The following CRNKL1 variants were observed in gnomAD, a reference collection of about 807,000 sequenced individuals.
CRNKL1 encodes the protein crooked neck pre-mRNA splicing factor 1, also known as crooked neck-like protein 1.
A neutral mutation model predicts 103.7 loss-of-function variants in CRNKL1; 35 were observed. The observed-to-expected ratio is 0.34, with a 90% CI of 0.26 to 0.45. The LOEUF (loss-of-function observed/expected upper bound fraction) is 0.45. Ranked by LOEUF, CRNKL1 falls within the 20% of genes least tolerant of loss-of-function variation. CRNKL1 has a pLI of 1.00. For missense variants in CRNKL1, 645 were observed against 836.0 expected, an observed-to-expected ratio of 0.77 and a Z score of 2.82; for synonymous variants, 267 against 282.6, an observed-to-expected ratio of 0.94 and a Z score of 0.55.
Position 20,050,491 on chromosome 20 carries a change from A to G in CRNKL1, c.183T>C (p.Asp61=). The G allele has an allele frequency of 6.2e-7, 1 of 1,613,714 alleles. No individual in the cohort carries two copies. The highest frequency in any genetic ancestry group is 8.5e-7 in the Non-Finnish European group (1 of 1,179,890). Residue 61 remains aspartate (D), a synonymous_variant, in exon 2 of 14, where the codon GAT becomes GAC. Coordinates refer to ENST00000536226, the MANE Select transcript of CRNKL1 (RefSeq NM_001278628.2). Reference sequence around the variant, plus strand: ...TGACCTTCCTTTTCCTTAGTTTATAATCATTTAATTCTTCTTCATCTGTGA... The same window carrying G: ...TGACCTTCCTTTTCCTTAGTTTATAGTCATTTAATTCTTCTTCATCTGTGA... The part of the protein sequence containing the change: ...QKITDEEELN[D]YKLRKRKTFE...
At chr20:20,039,490 A>C in intron 11 of CRNKL1, 119 bp downstream of exon 11, 10 of 1,252,700 alleles carry the variant, frequency 8.0e-6, no homozygotes, top group Non-Finnish European at 1.1e-5. Flanking sequence ...TCTGAGTAGA[A>C]GAGACTAAGT....
At chr20:20,042,618 T>C (rs922471567) in intron 7 of CRNKL1, 102 bp from the exon 8 acceptor site, 2 of 1,034,210 alleles carry the variant, frequency 1.9e-6, no homozygotes, top group Non-Finnish European at 2.8e-6. Context: ...TTCTATATTT[T>C]AGCACCTTTT....
Position 20,039,734 on chromosome 20 carries a change from A to G in CRNKL1, c.1420T>C (p.Phe474Leu). ...CRKLYEKFLEFGPENCTSWIK... is the reference protein window; with the variant it reads ...CRKLYEKFLELGPENCTSWIK... ...CATGAGGTACAATTTTCAGGTCCAAATTCCAGGAACTTTTCATAAAGCTTC... is the reference window on the plus strand; with the variant it reads ...CATGAGGTACAATTTTCAGGTCCAAGTTCCAGGAACTTTTCATAAAGCTTC... Residue 474 changes from phenylalanine (F) to leucine (L), a missense_variant, in exon 11 of 14, where the codon TTT (phenylalanine) becomes CTT (leucine). By Grantham distance (22) the Phe-to-Leu change is conservative. Coordinates refer to ENST00000536226, the MANE Select transcript of CRNKL1 (RefSeq NM_001278628.2). 6.2e-7 allele frequency: 1 copy of G among 1,614,184 alleles called. No individual in the cohort carries two copies. Among genetic ancestry groups the G allele is most frequent in the Non-Finnish European group, 8.5e-7 (1 of 1,180,030 alleles).
At chr20:20,054,506 G>A (rs920166565), upstream of CRNKL1, among the ~76,000 whole-genome samples, 3 of 151,854 alleles carry the variant, frequency 2.0e-5, no homozygotes, top group African/African-American at 7.3e-5. Context: ...AAAATTACAT[G>A]GCACATGAAA....
Position 20,050,499 on chromosome 20 carries a change from ATTC to A in CRNKL1, c.172_174del (p.Glu58del). On this transcript the variant is annotated inframe_deletion, in exon 2 of 14. Coordinates refer to ENST00000536226, the MANE Select transcript of CRNKL1 (RefSeq NM_001278628.2). ...CTTTTCCTTAGTTTATAATCATTTA[ATTC>A]TTCTTCATCTGTGATCTTCTGTTGA... 6.2e-7 allele frequency: 1 copy of A among 1,613,708 alleles called. No individual in the cohort carries two copies. The highest frequency in any genetic ancestry group is 8.5e-7 in the Non-Finnish European group (1 of 1,179,868).
intron 11 of CRNKL1, 80 bp from the exon 12 acceptor site, chr20:20,038,530 C>A: frequency 1.3e-6 from 1 of 747,294 alleles, no homozygotes. Context: ...TGAAGTATCA[C>A]TCTAACCTAC....
rs186167558 is a variant in CRNKL1, at chr20:20,042,188, T to C, written c.1164+137A>G. On this transcript the variant is annotated intron_variant, in intron 8 of 13. Coordinates refer to ENST00000536226, the MANE Select transcript of CRNKL1 (RefSeq NM_001278628.2). ...ATGTTGCAGAGCGAATATATAACTG[T>C]ATGGATGAACAGAAGCCTATAAAAA... 68 of 725,954 alleles carry C rather than the reference T, an allele frequency of 9.4e-5. No homozygotes were observed. In the African/African-American group the frequency reaches 9.8e-4, roughly 10 times the overall value. 45.0% of individuals were successfully genotyped at this position (725,954 alleles called of 1,614,324 possible).
rs2043529912 is a variant in CRNKL1 at position 20,042,430 on chromosome 20, A to G, written c.1059T>C (p.Tyr353=). Residue 353 remains tyrosine, a synonymous_variant, in exon 8 of 14, where the codon TAT becomes TAC. Coordinates refer to ENST00000536226, the MANE Select transcript of CRNKL1 (RefSeq NM_001278628.2). The part of the protein sequence containing the change: ...DAEAEAVREV[Y]ERAIANVPPI... ...GTGGGACATTGGCAATGGCCCTTTCATAGACTTCTCTCACGGCTTCAGCTT... is the reference window on the plus strand; with the variant it reads ...GTGGGACATTGGCAATGGCCCTTTCGTAGACTTCTCTCACGGCTTCAGCTT... 1.2e-6 allele frequency: 2 copies of G among 1,614,174 alleles called. No homozygotes were observed. Among genetic ancestry groups the G allele is most frequent in the Non-Finnish European group, 1.7e-6 (2 of 1,180,022 alleles).
chr20:20,042,774 C>T (rs1458406122), intron 7 of CRNKL1, among the ~76,000 whole-genome samples: 3 of 152,226 alleles, frequency 2.0e-5, no homozygotes, highest in African/African-American at 7.2e-5. Context: ...ACTCTCACGA[C>T]AGTCAATAAT....
At chr20:20,043,405 A>G in intron 7 of CRNKL1, 87 bp downstream of exon 7, 2 of 1,268,680 alleles carry the variant, frequency 1.6e-6, no homozygotes, top group Non-Finnish European at 2.2e-6. Flanking sequence ...TAGTAGTGCT[A>G]CTTGCTATTA....
At chr20:20,055,709 C>G (rs1395876420), upstream of CRNKL1, among the ~76,000 whole-genome samples, 1 of 152,206 alleles carries the variant, frequency 6.6e-6, no homozygotes, top group Non-Finnish European at 1.5e-5. Flanking sequence ...CAAGATGTCT[C>G]ATTCCAATTT....
intron 5 of CRNKL1, 130 bp downstream of exon 5, chr20:20,047,635 G>T: frequency 1.2e-6 from 1 of 857,028 alleles, no homozygotes; most frequent in Non-Finnish European, 1.7e-6. Flanking sequence ...TAGGGAAGCT[G>T]ATAAACTGGC....
At chr20:20,037,184 A>G (rs1463006775) in intron 13 of CRNKL1, 139 bp downstream of exon 13, 1 of 1,024,842 alleles carries the variant, frequency 9.8e-7, no homozygotes, top group Non-Finnish European at 1.4e-6. Context: ...TAACAGCCAG[A>G]TTGCAACCAT....
chr20:20,044,314 C>T (rs1002010392), intron 6 of CRNKL1, among the ~76,000 whole-genome samples: 10 of 152,152 alleles, frequency 6.6e-5, no homozygotes, highest in East Asian at 3.9e-4. Flanking sequence ...CCCACTGGCC[C>T]GAACAGAATC....
chr20:20,044,546 A>G (rs966836268), intron 6 of CRNKL1, among the ~76,000 whole-genome samples: 1 of 152,200 alleles, frequency 6.6e-6, no homozygotes, highest in Non-Finnish European at 1.5e-5. Flanking sequence ...CAAGTTTCAC[A>G]TTTTGAGTTT....
chr20:20,050,634 G>A lies in CRNKL1; in HGVS notation c.52-12C>T, dbSNP rs1471699603. The A allele has an allele frequency of 1.9e-6, 3 of 1,587,268 alleles. No individual in the cohort carries two copies. Among genetic ancestry groups the A allele is most frequent in the African/African-American group, 1.4e-5 (1 of 73,104 alleles). The stretch of plus-strand genomic sequence containing the variant: ...GCTTTGTTTTTCACCTTTTAAGAAA[G>A]AAGACATTTCTATTTTTAGTAGTTG... On this transcript the variant is annotated splice_polypyrimidine_tract_variant and intron_variant, in intron 1 of 13. Transcript: ENST00000536226.
At chr20:20,052,018 C>T (rs2043759001) in intron 1 of CRNKL1, among the ~76,000 whole-genome samples, 1 of 152,194 alleles carries the variant, frequency 6.6e-6, no homozygotes, top group Non-Finnish European at 1.5e-5. Context: ...CGTAGCTTCC[C>T]AGCGCCCAGT....
Position 20,043,482 on chromosome 20 carries a change from C to A in CRNKL1, c.972+10G>T, listed in dbSNP as rs2043547253. 1 of 1,611,540 alleles carries A rather than the reference C, an allele frequency of 6.2e-7. No individual in the cohort carries two copies. The highest frequency in any genetic ancestry group is 1.1e-5 in the South Asian group (1 of 90,994). ...TATCTGCAGAGTTGACCATCCACAC[C>A]AGTGCTCACCTTCACTTCTTCTTCG... is the stretch of plus-strand genomic sequence containing the variant. On this transcript the variant is annotated intron_variant, in intron 7 of 13. Transcript: ENST00000536226.
At chr20:20,055,839 T>G, upstream of CRNKL1, 4 of 815,458 alleles carry the variant, frequency 4.9e-6, no homozygotes, top group Non-Finnish European at 8.4e-6. Flanking sequence ...CTGGCTAGTA[T>G]ATAATAAAAT....
Sources: gnomAD v4.1 joint callset for allele counts (sites outside exome capture counted in the v4.1 genomes callset) on GRCh38, gnomAD v4.1.1 for gene constraint, MANE v1.5 for transcripts, NCBI Gene and HGNC (gene_info 2026-07-23, HGNC 2026-07-21) for gene names.